The following NUP210L variants were observed in gnomAD, a reference collection of about 807,000 sequenced individuals.
NUP210L encodes nuclear pore membrane glycoprotein 210-like.
In NUP210L, 74 loss-of-function variants were observed where a neutral mutation model predicts 208.5. The ratio of observed to expected loss-of-function variants is 0.35; its 90% confidence interval spans 0.29 to 0.43. The LOEUF (loss-of-function observed/expected upper bound fraction) is 0.43, where lower values mean the gene tolerates loss of function less well. NUP210L is among the 20% of genes least tolerant of loss of function. The probability of loss-of-function intolerance (pLI) is 1.00; values close to 1 mark genes in which losing one functional copy is unlikely to be tolerated. For missense variants in NUP210L, 1,843 were observed against 2,289.4 expected, an observed-to-expected ratio of 0.81 and a Z score of 3.98; for synonymous variants, 780 against 816.9, an observed-to-expected ratio of 0.95 and a Z score of 0.77.
intron 24 of NUP210L, 46 bp downstream of exon 24, chr1:154,054,724 G>GAGA: frequency 7.8e-7 from 1 of 1,285,682 alleles, no homozygotes; most frequent in Non-Finnish European, 1.1e-6. Flanking sequence ...GAGAGAGAGA[G>GAGA]GTAAGGAGAA....
chr1:154,002,815 A>C (rs1380309397), intron 35 of NUP210L, among the ~76,000 whole-genome samples: 5 of 151,900 alleles, frequency 3.3e-5, no homozygotes, highest in Admixed American at 3.3e-4. Context: ...ATGATATAAC[A>C]CAAGCAGGGC....
chr1:154,035,461 G>C (rs367799595), intron 27 of NUP210L, among the ~76,000 whole-genome samples: 8 of 150,156 alleles, frequency 5.3e-5, no homozygotes, highest in Non-Finnish European at 7.4e-5. Context: ...GCAATGGCGC[G>C]ATCTTGGATC....
intron 16 of NUP210L, among the ~76,000 whole-genome samples, chr1:154,081,994 C>A (rs1557963552): frequency 6.6e-6 from 1 of 152,116 alleles, no homozygotes; most frequent in Non-Finnish European, 1.5e-5. Context: ...AAACAAAAAA[C>A]ATTGGACACC....
intron 2 of NUP210L, among the ~76,000 whole-genome samples, chr1:154,148,434 G>A (rs1659224856): frequency 6.6e-6 from 1 of 152,158 alleles, no homozygotes. Context: ...AGTGAGCCCA[G>A]ATAGTGCCAG....
chr1:154,119,981 A>G (rs1342325155), intron 10 of NUP210L, among the ~76,000 whole-genome samples: 1 of 152,186 alleles, frequency 6.6e-6, no homozygotes, highest in African/African-American at 2.4e-5. Context: ...TGACTTCCAC[A>G]ATGGTTGAAC....
At chr1:154,107,390 C>T (rs530856512) in intron 12 of NUP210L, among the ~76,000 whole-genome samples, 2 of 150,624 alleles carry the variant, frequency 1.3e-5, no homozygotes, top group Admixed American at 6.7e-5. Context: ...AGGAGAATGG[C>T]GTGAACCTGG....
At chr1:154,067,810 C>CA (rs1427813705) in intron 17 of NUP210L, among the ~76,000 whole-genome samples, 1 of 152,126 alleles carries the variant, frequency 6.6e-6, no homozygotes, top group Non-Finnish European at 1.5e-5. Context: ...AACAGACAAA[C>CA]AGAGAGCCAA....
At chr1:154,026,162 G>A (rs1246881497) in intron 29 of NUP210L, among the ~76,000 whole-genome samples, 1 of 152,024 alleles carries the variant, frequency 6.6e-6, no homozygotes, top group Non-Finnish European at 1.5e-5. Flanking sequence ...TTGAACCTGG[G>A]AGGCTGAGGT....
At chr1:154,036,481 C>T (rs1652558672) in intron 27 of NUP210L, among the ~76,000 whole-genome samples, 1 of 150,306 alleles carries the variant, frequency 6.7e-6, no homozygotes. Flanking sequence ...TCTCCTACCT[C>T]AGCCTCCTGA....
rs975174740 is a variant in NUP210L at position 154,112,261 on chromosome 1, C to T, written c.1620+5464G>A. Among the ~76,000 whole-genome samples, 4 of 151,948 alleles carry T rather than the reference C, an allele frequency of 2.6e-5. No homozygotes were observed. In the East Asian group the frequency reaches 7.7e-4, roughly 29 times the overall value. The stretch of plus-strand genomic sequence containing the variant: ...CATTTTTTTTAAAAATCATTAATGG[C>T]CAGACAGAGTTGCTCACTCCTGTAA... On this transcript the variant is annotated intron_variant, in intron 12 of 39. Coordinates refer to ENST00000368559, the Ensembl canonical transcript of NUP210L.
chr1:154,072,582 T>C (rs1217373642), intron 16 of NUP210L, among the ~76,000 whole-genome samples: 1 of 152,142 alleles, frequency 6.6e-6, no homozygotes, highest in East Asian at 1.9e-4. Flanking sequence ...TCCGCCCGCC[T>C]TGACCTCCCA....
chr1:154,117,236 G>A (rs1235887872), intron 12 of NUP210L, among the ~76,000 whole-genome samples: 1 of 152,166 alleles, frequency 6.6e-6, no homozygotes, highest in Non-Finnish European at 1.5e-5. Context: ...TGTTAAATAA[G>A]TGACTATTAA....
At chr1:154,006,469 C>T (rs1317968815) in intron 35 of NUP210L, among the ~76,000 whole-genome samples, 1 of 151,812 alleles carries the variant, frequency 6.6e-6, no homozygotes, top group African/African-American at 2.4e-5. Context: ...AGATACTCCT[C>T]CTTTCTTTCT....
At chr1:154,040,245 A>G (rs113939584) in intron 27 of NUP210L, among the ~76,000 whole-genome samples, 115 of 152,214 alleles carry the variant, frequency 7.6e-4, no homozygotes, top group African/African-American at 2.1e-3. Flanking sequence ...TAGCTTTCTA[A>G]AAGAACTAGA....
At chr1:154,081,509 G>GT (rs1328881373) in intron 16 of NUP210L, among the ~76,000 whole-genome samples, 1 of 152,188 alleles carries the variant, frequency 6.6e-6, no homozygotes, top group Non-Finnish European at 1.5e-5. Context: ...GACTCAGGAT[G>GT]GAGTTGGATA....
intron 16 of NUP210L, among the ~76,000 whole-genome samples, chr1:154,084,128 T>C (rs1159496871): frequency 1.4e-5 from 2 of 146,166 alleles, no homozygotes; most frequent in South Asian, 4.5e-4. Flanking sequence ...GAGCTTCCAC[T>C]TACCTGGCTC....
chr1:154,134,248 C>A (rs1254065432), intron 7 of NUP210L, among the ~76,000 whole-genome samples: 1 of 151,518 alleles, frequency 6.6e-6, no homozygotes, highest in South Asian at 2.1e-4. Flanking sequence ...CAATGTTGAG[C>A]ATATAGTAGA....
chr1:154,037,562 A>G (rs562083135), intron 27 of NUP210L, among the ~76,000 whole-genome samples: 42 of 152,172 alleles, frequency 2.8e-4, no homozygotes, highest in Middle Eastern at 3.4e-3. Flanking sequence ...TTTTCAGTCT[A>G]TGTGTGTCTT....
intron 10 of NUP210L, among the ~76,000 whole-genome samples, chr1:154,125,221 G>A (rs1440047485): frequency 5.3e-5 from 8 of 151,988 alleles, no homozygotes; most frequent in African/African-American, 1.7e-4. Flanking sequence ...AGGGTGAGGC[G>A]GGTGAATCAC....
Sources: allele counts gnomAD v4.1 joint callset (sites outside exome capture counted in the v4.1 genomes callset), GRCh38; gene constraint gnomAD v4.1.1; transcripts MANE v1.5; gene names NCBI Gene and HGNC (gene_info 2026-07-23, HGNC 2026-07-21).